ARHGEF10L: variants seen among roughly 807,000 people sequenced by gnomAD.
ARHGEF10L encodes the protein Rho guanine nucleotide exchange factor 10 like.
Under a neutral mutation model 141.2 loss-of-function variants are expected in ARHGEF10L, and 69 were observed. The observed-to-expected ratio is 0.49, with a 90% CI of 0.40 to 0.60. The LOEUF is 0.60. ARHGEF10L is among the 20% of genes least tolerant of loss of function. ARHGEF10L has a pLI of 0.00. For missense variants in ARHGEF10L, 1,482 were observed against 1,734.3 expected (o/e 0.85, Z 2.58); for synonymous variants, 711 against 718.5 (o/e 0.99, Z 0.17).
intron 1 of ARHGEF10L, among the ~76,000 whole-genome samples, chr1:17,571,395 C>T (rs1467364362): frequency 6.6e-6 from 1 of 152,090 alleles, no homozygotes; most frequent in Non-Finnish European, 1.5e-5. Context: ...GGTAGCTCAG[C>T]ACAGAATAGG....
At chr1:17,597,455 C>T (rs1004672000) in intron 4 of ARHGEF10L, among the ~76,000 whole-genome samples, 1 of 152,104 alleles carries the variant, frequency 6.6e-6, no homozygotes, top group African/African-American at 2.4e-5. Flanking sequence ...CAGGAGGGGC[C>T]CCCAGCCTCA....
At position 17,656,071 on chromosome 1, in the gene ARHGEF10L, C is replaced by T. The variant is rs868627546; in HGVS notation, c.2674C>T (p.Pro892Ser). 1.3e-6 allele frequency: 2 copies of T among 1,559,032 alleles called. No homozygotes were observed. The highest frequency in any genetic ancestry group is 1.4e-5 in the African/African-American group (1 of 73,658). The change falls in exon 24 of 29, where the codon CCA becomes TCA. Residue 892 changes from proline to serine, a missense_variant. Transcript: ENST00000361221. The surrounding 1 kb of genome is among the most constrained non-coding windows in gnomAD (Gnocchi z 4.9). ...TVADPSATVH[P>S]TICLGLQDGS... is the part of the protein sequence containing the mutation. ...TGCTGACCCCTCGGCCACGGTGCATCCAACCATCTGCCTCGGGCTCCAGGA... is the reference window on the plus strand; with the variant it reads ...TGCTGACCCCTCGGCCACGGTGCATTCAACCATCTGCCTCGGGCTCCAGGA...
intron 25 of ARHGEF10L, among the ~76,000 whole-genome samples, chr1:17,663,254 C>T (rs2062747321): frequency 1.3e-5 from 2 of 152,112 alleles, no homozygotes. Flanking sequence ...TTCATTGCCT[C>T]TCAGAACATC....
chr1:17,623,155 G>A lies in ARHGEF10L; in HGVS notation c.1180G>A (p.Gly394Arg). The A allele has an allele frequency of 1.9e-6, 3 of 1,613,002 alleles. No individual in the cohort carries two copies. The highest frequency in any genetic ancestry group is 2.7e-5 in the African/African-American group (2 of 74,890). ...TGAGTGGGATTCCACCGAGAAGATCGGGGACCTCTTCGTGGCCTCGGTAAG... is the reference window on the plus strand; with the variant it reads ...TGAGTGGGATTCCACCGAGAAGATCAGGGACCTCTTCGTGGCCTCGGTAAG... The part of the protein sequence containing the change: ...VAEWDSTEKI[G>R]DLFVASFSKS... Residue 394 changes from glycine (G) to arginine (R), a missense_variant, in exon 12 of 29, where the codon GGG becomes AGG. This residue lies in a region of ARHGEF10L where 392 missense variants were observed against 542.1 expected (regional missense o/e 0.72). Transcript: ENST00000361221. This position sits in a 1 kb window ranked among gnomAD's most constrained non-coding sequence, Gnocchi z 4.7.
intron 2 of ARHGEF10L, among the ~76,000 whole-genome samples, chr1:17,581,107 G>A (rs989809486): frequency 2.6e-5 from 4 of 152,010 alleles, no homozygotes; most frequent in Non-Finnish European, 5.9e-5. Context: ...TTGAGGTCAC[G>A]AGTTCGGGAC....
At chr1:17,636,286 G>A (rs1301879153) in intron 18 of ARHGEF10L, among the ~76,000 whole-genome samples, 4 of 152,306 alleles carry the variant, frequency 2.6e-5, no homozygotes, top group Middle Eastern at 3.4e-3. Context: ...AAAGGGGAAA[G>A]AAGTTCTTGT....
chr1:17,586,005 G>A (rs114442543), intron 2 of ARHGEF10L, among the ~76,000 whole-genome samples: 12 of 152,312 alleles, frequency 7.9e-5, no homozygotes, highest in African/African-American at 2.6e-4. Context: ...CCCTCCAGGG[G>A]GACATATGGC....
chr1:17,516,366 G>C, the ARHGEF10L span, among the ~76,000 whole-genome samples: 1 of 152,246 alleles, frequency 6.6e-6, no homozygotes, highest in Non-Finnish European at 1.5e-5. Context: ...GTGTGGGTGG[G>C]GTGAAGAGGG....
At chr1:17,622,669 A>C (rs1011666094) in intron 11 of ARHGEF10L, among the ~76,000 whole-genome samples, 1 of 152,030 alleles carries the variant, frequency 6.6e-6, no homozygotes, top group Admixed American at 6.6e-5. Flanking sequence ...GCTTGTAGTG[A>C]CCTTACCGCT....
chr1:17,686,551 G>A (rs543883742), intron 26 of ARHGEF10L, among the ~76,000 whole-genome samples: 2 of 152,278 alleles, frequency 1.3e-5, no homozygotes, highest in East Asian at 1.9e-4. Context: ...GACTGAGGAC[G>A]CCACTCTGAA....
In ARHGEF10L at chr1:17,573,587, A is replaced by C. The variant is rs1000881791; in HGVS notation, c.-43-6966A>C. Among the ~76,000 whole-genome samples the C allele has an allele frequency of 6.6e-6, 1 of 152,036 alleles. No individual in the cohort carries two copies. Among genetic ancestry groups the C allele is most frequent in the African/African-American group, 2.4e-5 (1 of 41,394 alleles). The stretch of plus-strand genomic sequence containing the variant: ...TCTGGGGGCTGGGAGGGAAGGAGGA[A>C]GAGCAGGAGGAGGAGGTAGAGGAGG... On this transcript the variant is annotated intron_variant, in intron 1 of 28. Coordinates refer to ENST00000361221, the MANE Select transcript of ARHGEF10L (RefSeq NM_018125.4). This position sits in a 1 kb window ranked among gnomAD's most constrained non-coding sequence, Gnocchi z 4.8.
chr1:17,646,384 A>C (rs148045772), intron 21 of ARHGEF10L, among the ~76,000 whole-genome samples: 1 of 152,334 alleles, frequency 6.6e-6, no homozygotes, highest in African/African-American at 2.4e-5. Context: ...TACATCTGAC[A>C]AACCTGGAAA....
rs77081699 is a variant in ARHGEF10L at position 17,598,875 on chromosome 1, C to T, written c.258-3252C>T. Among the ~76,000 whole-genome samples, 519 of 152,070 alleles carry T rather than the reference C, an allele frequency of 3.4e-3. 6 individuals are homozygous for T. The highest frequency in any genetic ancestry group is 0.021 in the South Asian group (100 of 4,810). ...AGGTGAATGTCTACATGCAAGTTCT[C>T]GACTTCCAGGTGGTCTGGTTGAAAC... On this transcript the variant is annotated intron_variant, in intron 4 of 28. Coordinates refer to ENST00000361221, the MANE Select transcript of ARHGEF10L (RefSeq NM_018125.4).
rs141376833 is a variant in ARHGEF10L, at chr1:17,546,928, G to A, written c.-44+6978G>A. 2.3e-3 allele frequency among the ~76,000 whole-genome samples: 346 copies of A among 152,314 alleles called. 2 individuals are homozygous for A. The highest frequency in any genetic ancestry group is 7.8e-3 in the African/African-American group (325 of 41,574). ...TCTCAGCTACTCCAAGAGGTGGGGTGCATCATTATCTCTGTTTTGCCTCCA... is the reference window on the plus strand; with the variant it reads ...TCTCAGCTACTCCAAGAGGTGGGGTACATCATTATCTCTGTTTTGCCTCCA... On this transcript the variant is annotated intron_variant, in intron 1 of 28. Transcript: ENST00000361221.
chr1:17,646,894 G>A (rs1357420360), intron 21 of ARHGEF10L, among the ~76,000 whole-genome samples: 3 of 152,036 alleles, frequency 2.0e-5, no homozygotes, highest in Non-Finnish European at 4.4e-5. Flanking sequence ...TCTTCCAGGA[G>A]AGTTTGGATC....
At chr1:17,661,407 G>T (rs1357251310) in intron 25 of ARHGEF10L, among the ~76,000 whole-genome samples, 2 of 152,192 alleles carry the variant, frequency 1.3e-5, no homozygotes, top group African/African-American at 4.8e-5. Context: ...ATCAGTATTA[G>T]CATTATTAAA....
At chr1:17,519,122 C>A in the ARHGEF10L span, among the ~76,000 whole-genome samples, 1 of 151,666 alleles carries the variant, frequency 6.6e-6, no homozygotes, top group African/African-American at 2.4e-5. Context: ...TTGCGGTGAG[C>A]CGAGATCGAA....
chr1:17,568,166 A>G (rs2077837879), intron 1 of ARHGEF10L, among the ~76,000 whole-genome samples: 1 of 152,174 alleles, frequency 6.6e-6, no homozygotes, highest in African/African-American at 2.4e-5. Context: ...AGCCTGGGAC[A>G]CCACCCCTTC....
At chr1:17,516,865 C>T in the ARHGEF10L span, among the ~76,000 whole-genome samples, 1 of 152,200 alleles carries the variant, frequency 6.6e-6, no homozygotes, top group Non-Finnish European at 1.5e-5. Flanking sequence ...TTCTCTTACA[C>T]TCCAAGCCTC....
Sources: gnomAD v4.1 joint callset for allele counts (sites outside exome capture counted in the v4.1 genomes callset) on GRCh38, gnomAD v4.1.1 for gene constraint, gnomAD v4.1.1 regional missense constraint, Gnocchi (gnomAD v3.1) non-coding constraint, MANE v1.5 for transcripts, NCBI Gene and HGNC (gene_info 2026-07-23, HGNC 2026-07-21) for gene names.